Variants in EVL observed in about 807,000 individuals in gnomAD.
EVL encodes the protein ena/VASP-like protein.
In EVL, 21 loss-of-function variants were observed where a neutral mutation model predicts 59.6. The observed-to-expected ratio is 0.35, with a 90% CI of 0.25 to 0.51. EVL has a LOEUF of 0.51. EVL is among the 20% of genes least tolerant of loss of function. EVL has a pLI of 0.97. For synonymous variants in EVL, 198 were observed against 203.5 expected (o/e 0.97, Z 0.23); for missense variants, 462 against 546.6 (o/e 0.85, Z 1.54).
chr14:100,084,507 G>A (rs1032033933), intron 1 of EVL, among the ~76,000 whole-genome samples, 180 bp from the exon 2 acceptor site: 1 of 152,202 alleles, frequency 6.6e-6, no homozygotes, highest in Non-Finnish European at 1.5e-5. Context: ...CACTCTGCAA[G>A]CTCCTTAGAG....
intron 2 of EVL, among the ~76,000 whole-genome samples, chr14:100,093,663 T>C (rs2140314392): frequency 6.6e-6 from 1 of 152,308 alleles, no homozygotes; most frequent in African/African-American, 2.4e-5. Context: ...CTAGAAAGGC[T>C]TCACTGCACT....
chr14:100,040,476 T>C (rs1161961737), intron 1 of EVL, among the ~76,000 whole-genome samples: 1 of 152,320 alleles, frequency 6.6e-6, no homozygotes, highest in East Asian at 1.9e-4. Flanking sequence ...AGGTAGAGTG[T>C]GGCTGCTCGT....
chr14:100,005,944 G>A (rs1011657635), intron 1 of EVL, among the ~76,000 whole-genome samples: 7 of 149,566 alleles, frequency 4.7e-5, no homozygotes, highest in South Asian at 2.1e-4. Flanking sequence ...GTGGCCGTGT[G>A]ACGTAAATAA....
intron 4 of EVL, among the ~76,000 whole-genome samples, chr14:100,125,123 C>CAT (rs1491361445): frequency 7.7e-3 from 34 of 4,392 alleles, no homozygotes; most frequent in African/African-American, 0.03. Flanking sequence ...AAGGCGGGAC[C>CAT]ACACACACAC....
intron 2 of EVL, among the ~76,000 whole-genome samples, chr14:100,090,665 C>T (rs1203755970): frequency 1.3e-5 from 2 of 152,126 alleles, no homozygotes; most frequent in African/African-American, 4.8e-5. Flanking sequence ...GCCGGAAAAC[C>T]GTAAGGTCAT....
At chr14:100,042,637 T>C (rs1242667909) in intron 1 of EVL, among the ~76,000 whole-genome samples, 2 of 152,080 alleles carry the variant, frequency 1.3e-5, no homozygotes, top group African/African-American at 4.8e-5. Context: ...CTTTTTTTGG[T>C]AGGAAGATTT....
rs538542546 is a variant in EVL at position 100,124,564 on chromosome 14, C to T, written c.422+962C>T. ...GTTGTCCCCATGAGCCAGCTGAAGCCGAGAATGGAAGTGACTTGCCCAGAG... is the reference window on the plus strand; with the variant it reads ...GTTGTCCCCATGAGCCAGCTGAAGCTGAGAATGGAAGTGACTTGCCCAGAG... On this transcript the variant is annotated intron_variant, in intron 4 of 13. Transcript: ENST00000392920. Among the ~76,000 whole-genome samples, 6 of 152,262 alleles carry T rather than the reference C, an allele frequency of 3.9e-5. No homozygotes were observed. In the East Asian group the frequency reaches 7.7e-4, roughly 20 times the overall value.
At position 100,114,055 on chromosome 14, in the gene EVL, C is replaced by T. The variant is rs1375124734; in HGVS notation, c.359-9484C>T. On this transcript the variant is annotated intron_variant, in intron 3 of 13. Coordinates refer to ENST00000392920, the MANE Select transcript of EVL (RefSeq NM_016337.3). This position sits in a 1 kb window ranked among gnomAD's most constrained non-coding sequence, Gnocchi z 5.0. ...AGTTGGAGACCCTTGGAAAGCCCTT[C>T]AAGTGAGAGCATGAGGCTTGGATCT... 6.6e-6 allele frequency among the ~76,000 whole-genome samples: 1 copy of T among 152,042 alleles called. No homozygotes were observed. The highest frequency in any genetic ancestry group is 1.5e-5 in the Non-Finnish European group (1 of 68,004).
chr14:100,103,804 G>A (rs1886384991), intron 3 of EVL, among the ~76,000 whole-genome samples: 1 of 152,190 alleles, frequency 6.6e-6, no homozygotes, highest in African/African-American at 2.4e-5. Flanking sequence ...AGTGCATGAT[G>A]CATCCACAGA....
At chr14:99,989,157 T>C (rs561306306) in intron 1 of EVL, among the ~76,000 whole-genome samples, 51 of 152,286 alleles carry the variant, frequency 3.3e-4, no homozygotes, top group African/African-American at 1.2e-3. Flanking sequence ...AGACTTGTCT[T>C]TTTTCAGAAC....
At chr14:100,069,282 G>A (rs1397916772) in intron 1 of EVL, among the ~76,000 whole-genome samples, 2 of 152,210 alleles carry the variant, frequency 1.3e-5, no homozygotes, top group Non-Finnish European at 2.9e-5. Flanking sequence ...CATTTCACTT[G>A]CTGTCAGGTA....
At chr14:100,066,959 G>C (rs1352106643) in intron 1 of EVL, among the ~76,000 whole-genome samples, 1 of 152,166 alleles carries the variant, frequency 6.6e-6, no homozygotes, top group Non-Finnish European at 1.5e-5. Flanking sequence ...TGTTGGTGGT[G>C]GTGATGACTT....
intron 6 of EVL, 21 bp downstream of exon 6, chr14:100,128,769 G>T: frequency 6.3e-7 from 1 of 1,592,122 alleles, no homozygotes. Flanking sequence ...CTGTGTGCGG[G>T]GTGGGAATGG....
At chr14:100,089,275 C>T (rs1385297530) in intron 2 of EVL, among the ~76,000 whole-genome samples, 1 of 152,158 alleles carries the variant, frequency 6.6e-6, no homozygotes, top group Admixed American at 6.5e-5. Flanking sequence ...ACATTATTAA[C>T]CAACTTGAGC....
intron 1 of EVL, among the ~76,000 whole-genome samples, chr14:99,994,413 T>C (rs1191883604): frequency 6.6e-6 from 1 of 152,056 alleles, no homozygotes; most frequent in Non-Finnish European, 1.5e-5. Flanking sequence ...TTGATTCCCT[T>C]ATCATTTCCC....
intron 1 of EVL, among the ~76,000 whole-genome samples, chr14:99,976,568 A>C (rs192048802): frequency 1.3e-5 from 2 of 152,046 alleles, no homozygotes; most frequent in East Asian, 3.9e-4. Context: ...GGTAAACATC[A>C]TATTTGCAAA....
intron 1 of EVL, among the ~76,000 whole-genome samples, chr14:100,001,550 G>A (rs182412497): frequency 9.8e-5 from 15 of 152,308 alleles, no homozygotes; most frequent in African/African-American, 3.1e-4. Flanking sequence ...TTCTCACATA[G>A]GCTTTTAAAA....
intron 1 of EVL, among the ~76,000 whole-genome samples, chr14:100,067,038 G>A (rs2061944212): frequency 6.6e-6 from 1 of 152,216 alleles, no homozygotes; most frequent in African/African-American, 2.4e-5. Flanking sequence ...GAGGCCCAGT[G>A]TGGAGCAGAA....
intron 5 of EVL, among the ~76,000 whole-genome samples, chr14:100,128,069 C>T (rs1888193463): frequency 6.6e-6 from 1 of 152,170 alleles, no homozygotes; most frequent in Non-Finnish European, 1.5e-5. Context: ...GGCCCTGGGA[C>T]CCACAGGACC....
Sources: allele counts gnomAD v4.1 joint callset (sites outside exome capture counted in the v4.1 genomes callset), GRCh38; gene constraint gnomAD v4.1.1; non-coding constraint Gnocchi (gnomAD v3.1); transcripts MANE v1.5; gene names NCBI Gene and HGNC (gene_info 2026-07-23, HGNC 2026-07-21).